F3: variants seen among roughly 807,000 people sequenced by gnomAD.
The protein encoded by F3 is tissue factor.
A neutral mutation model predicts 33.5 loss-of-function variants in F3; 18 were observed. The observed-to-expected ratio is 0.54, with a 90% CI of 0.37 to 0.80. F3 has a LOEUF of 0.80. Ranked by LOEUF, F3 falls within the 30% of genes least tolerant of loss-of-function variation. The pLI, the probability that F3 is intolerant of heterozygous loss-of-function variation, is 0.00. For synonymous variants in F3, 147 were observed against 140.7 expected (o/e 1.05, Z -0.32); for missense variants, 353 against 362.1 (o/e 0.97, Z 0.20).
Position 94,532,470 on chromosome 1 carries a change from T to C in F3, c.602A>G (p.Lys201Arg), listed in dbSNP as rs1230586293. 1.2e-6 allele frequency: 2 copies of C among 1,613,980 alleles called. No homozygotes were observed. Among genetic ancestry groups the C allele is most frequent in the African/African-American group, 1.3e-5 (1 of 74,924 alleles). The part of the protein sequence containing the change: ...KSSSSGKKTA[K>R]TNTNEFLIDV... ...AATCAAAAACTCATTAGTGTTTGTT[T>C]TGGCTGTTTTCTGTAAAAAGATAGA... The change falls in exon 5 of 6, where the codon AAA (lysine) becomes AGA (arginine). Residue 201 changes from lysine (K) to arginine (R), a missense_variant. Transcript: ENST00000334047.
chr1:94,536,044 CG>C lies in F3; in HGVS notation c.332del (p.Pro111ArgfsTer45). The C allele has an allele frequency of 6.2e-7, 1 of 1,614,086 alleles. No individual in the cohort carries two copies. The highest frequency in any genetic ancestry group is 8.5e-7 in the Non-Finnish European group (1 of 1,180,016). ...QTYLARVFSY[P>X]AGNVESTGSA... ...AACCGGTGCTCTCCACATTCCCTGC[CG>C]GGTAGGAGAAGACCCGTGCCAAGTA... is the stretch of plus-strand genomic sequence containing the variant. On this transcript the variant is annotated frameshift_variant, in exon 3 of 6. Coordinates refer to ENST00000334047, the MANE Select transcript of F3 (RefSeq NM_001993.5). LOFTEE classifies it high-confidence loss of function.
chr1:94,540,093 G>A lies in F3; in HGVS notation c.212+164C>T, dbSNP rs145157385. ...AGTTTAAGGTCTGGAAATGTTGCAG[G>A]CCTAATAGAGTATGACACCGGCCAG... On this transcript the variant is annotated intron_variant, in intron 2 of 5. Transcript: ENST00000334047. Among the ~76,000 whole-genome samples, 4 of 152,266 alleles carry A rather than the reference G, an allele frequency of 2.6e-5. No homozygotes were observed. In the East Asian group the frequency reaches 5.8e-4, roughly 22 times the overall value.
chr1:94,533,940 C>T (rs536846310), intron 3 of F3, among the ~76,000 whole-genome samples: 7 of 151,888 alleles, frequency 4.6e-5, no homozygotes, highest in South Asian at 2.1e-4. Flanking sequence ...AATCTCAGTT[C>T]ACTGCAACCT....
chr1:94,541,618 G>T lies in F3; in HGVS notation c.19C>A (p.Pro7Thr). Residue 7 changes from proline to threonine, a missense_variant, in exon 1 of 6, where the codon CCC becomes ACC. Transcript: ENST00000334047. METPAW[P>T]RVPRPETAVA... ...GCGGTCTCGGGGCGCGGGACCCGGG[G>T]CCAGGCAGGGGTCTCCATGTCTACC... is the stretch of plus-strand genomic sequence containing the variant. The T allele has an allele frequency of 6.9e-7, 1 of 1,454,190 alleles. No homozygotes were observed. Among genetic ancestry groups the T allele is most frequent in the Non-Finnish European group, 9.1e-7 (1 of 1,102,268 alleles). 90.1% of individuals were successfully genotyped at this position (1,454,190 alleles called of 1,614,324 possible). A position where few individuals can be genotyped will look rare whatever the true frequency, so the allele number is the denominator to read the frequency against.
rs370473416 is a variant in F3, at chr1:94,530,412, C to T, written c.*48G>A. On this transcript the variant is annotated 3_prime_UTR_variant, in exon 6 of 6. Coordinates refer to ENST00000334047, the MANE Select transcript of F3 (RefSeq NM_001993.5). ...TGTATTCTATCCTCTTAAAAGTTCT[C>T]GGTCACAGTGCAATATAGCATTTGC... 16 of 1,606,764 alleles carry T rather than the reference C, an allele frequency of 1.0e-5. No individual in the cohort carries two copies. The highest frequency in any genetic ancestry group is 2.7e-5 in the African/African-American group (2 of 74,748).
chr1:94,540,746 G>A, intron 1 of F3: 1 of 186,626 alleles, frequency 5.4e-6, no homozygotes, highest in Non-Finnish European at 1.1e-5. Flanking sequence ...AGTAAGTTAT[G>A]GAAAAAGATA....
chr1:94,541,366 C>CG (rs1482834809), intron 1 of F3, among the ~76,000 whole-genome samples, 171 bp downstream of exon 1: 3 of 152,182 alleles, frequency 2.0e-5, no homozygotes, highest in African/African-American at 7.2e-5. Flanking sequence ...CGCCGGCGCC[C>CG]GACGGACTCG....
chr1:94,541,460 G>T, intron 1 of F3, 77 bp downstream of exon 1: 3 of 1,183,624 alleles, frequency 2.5e-6, no homozygotes, highest in Non-Finnish European at 1.1e-6. Context: ...ACCAGGGCGA[G>T]CCCGCTGCCA....
rs3917635 is a variant in F3, at chr1:94,529,533, T to A, written c.*927A>T. 5 of 152,734 alleles carry A rather than the reference T, an allele frequency of 3.3e-5. No homozygotes were observed. The highest frequency in any genetic ancestry group is 2.6e-4 in the Admixed American group (4 of 15,308). 9.5% of individuals were successfully genotyped at this position (152,734 alleles called of 1,614,324 possible). A position where few individuals can be genotyped will look rare whatever the true frequency, so the allele number is the denominator to read the frequency against. The stretch of plus-strand genomic sequence containing the variant: ...TATAAAAATATAGTTAGCTCTCAAA[T>A]GTTTAATGCCACTTAAGTCAGTTAA... On this transcript the variant is annotated 3_prime_UTR_variant, in exon 6 of 6. Transcript: ENST00000334047.
intron 2 of F3, 61 bp from the exon 3 acceptor site, chr1:94,536,225 TAG>T: frequency 6.8e-7 from 1 of 1,465,144 alleles, no homozygotes; most frequent in Non-Finnish European, 9.5e-7. Context: ...CCCAACAAGA[TAG>T]ACTGCTTCCT....
chr1:94,540,645 A>T, intron 1 of F3: 1 of 356,162 alleles, frequency 2.8e-6, no homozygotes, highest in South Asian at 3.0e-5. Context: ...GCCTTGTTAT[A>T]ACTTGACCGG....
intron 5 of F3, among the ~76,000 whole-genome samples, chr1:94,531,044 T>C (rs1333569361): frequency 6.6e-6 from 1 of 152,048 alleles, no homozygotes; most frequent in Non-Finnish European, 1.5e-5. Context: ...TTGAAATGCC[T>C]CTCCAAGATA....
chr1:94,532,529 T>C (rs1651463621), intron 4 of F3, 49 bp from the exon 5 acceptor site: 1 of 1,593,616 alleles, frequency 6.3e-7, no homozygotes, highest in Admixed American at 1.7e-5. Flanking sequence ...AGTCAATTCT[T>C]TCCCCTTTAT....
chr1:94,540,210 G>T, intron 2 of F3, 47 bp downstream of exon 2: 2 of 1,182,528 alleles, frequency 1.7e-6, no homozygotes, highest in Non-Finnish European at 2.5e-6. Context: ...GCATAGGACA[G>T]TAGAAACATC....
intron 1 of F3, 26 bp downstream of exon 1, chr1:94,541,511 G>T: frequency 1.4e-6 from 2 of 1,446,912 alleles, no homozygotes; most frequent in East Asian, 5.9e-5. Context: ...GCGCGCCCCG[G>T]GCTTCCAGGG....
chr1:94,539,439 C>CT (rs1651705905), intron 2 of F3, among the ~76,000 whole-genome samples: 2 of 152,154 alleles, frequency 1.3e-5, no homozygotes, highest in African/African-American at 2.4e-5. Flanking sequence ...AGCAAAATAC[C>CT]TTTTGTTTTA....
chr1:94,540,386 A>G lies in F3; in HGVS notation c.101-18T>C. The G allele has an allele frequency of 6.4e-7, 1 of 1,551,894 alleles. No individual in the cohort carries two copies. Among genetic ancestry groups the G allele is most frequent in the Admixed American group, 1.7e-5 (1 of 59,318 alleles). On this transcript the variant is annotated intron_variant, in intron 1 of 5. Coordinates refer to ENST00000334047, the MANE Select transcript of F3 (RefSeq NM_001993.5). ...TGTAGTGCCTTTAAACAACAGAGAA[A>G]CAGCTATTATTACATGCACTTCAGA...
At chr1:94,539,790 A>T (rs1405382932) in intron 2 of F3, among the ~76,000 whole-genome samples, 3 of 152,146 alleles carry the variant, frequency 2.0e-5, no homozygotes, top group African/African-American at 7.2e-5. Context: ...CCAGATTTCG[A>T]TTCATGGAGT....
chr1:94,529,282 A>T lies in F3; in HGVS notation c.*1178T>A, dbSNP rs1651344299. 6.6e-6 allele frequency: 1 copy of T among 152,658 alleles called. No individual in the cohort carries two copies. Among genetic ancestry groups the T allele is most frequent in the South Asian group, 2.1e-4 (1 of 4,830 alleles). The allele number at this position is 152,658 out of a possible 1,614,324, so 9.5% of individuals were successfully genotyped here. A position where few individuals can be genotyped will look rare whatever the true frequency, so the allele number is the denominator to read the frequency against. ...CTAATACAAACACCAAATTGTACAT[A>T]AATAATAAATGGAAGATAGAATAAG... On this transcript the variant is annotated 3_prime_UTR_variant, in exon 6 of 6. Transcript: ENST00000334047.
Sources: allele counts gnomAD v4.1 joint callset (sites outside exome capture counted in the v4.1 genomes callset), GRCh38; gene constraint gnomAD v4.1.1; transcripts MANE v1.5; gene names NCBI Gene and HGNC (gene_info 2026-07-23, HGNC 2026-07-21).